Variants in PPP2R2C observed in about 807,000 individuals in gnomAD.
PPP2R2C encodes protein phosphatase 2, regulatory subunit B, gamma.
In PPP2R2C, 10 loss-of-function variants were observed where a neutral mutation model predicts 45.3. The ratio of observed to expected loss-of-function variants is 0.22; its 90% CI spans 0.14 to 0.37. The LOEUF (loss-of-function observed/expected upper bound fraction) is 0.37. PPP2R2C is among the 10% of genes least tolerant of loss of function. PPP2R2C has a pLI of 1.00. For synonymous variants in PPP2R2C, 257 were observed against 245.4 expected (o/e 1.05, Z -0.44); for missense variants, 308 against 619.7 (o/e 0.50, Z 5.34).
intron 1 of PPP2R2C, chr4:6,382,328 A>G (rs1045864995): frequency 7.7e-7 from 1 of 1,294,816 alleles, no homozygotes; most frequent in Admixed American, 2.3e-5. Flanking sequence ...TACCACCTTT[A>G]GCAAAATGGA....
intron 2 of PPP2R2C, among the ~76,000 whole-genome samples, chr4:6,521,893 G>C (rs575891904): frequency 1.3e-5 from 2 of 152,314 alleles, no homozygotes; most frequent in East Asian, 3.9e-4. Flanking sequence ...CAGGCCATCT[G>C]CCTCCAGAGC....
intron 6 of PPP2R2C, among the ~76,000 whole-genome samples, chr4:6,335,465 G>A (rs1310354648): frequency 6.6e-6 from 1 of 152,170 alleles, no homozygotes; most frequent in Non-Finnish European, 1.5e-5. Context: ...GCAGAGAAAG[G>A]AGTGAGCAGG....
intron 1 of PPP2R2C, among the ~76,000 whole-genome samples, chr4:6,431,198 C>A (rs1185997636): frequency 6.6e-6 from 1 of 152,216 alleles, no homozygotes; most frequent in South Asian, 2.1e-4. Flanking sequence ...TGTTTCCCTG[C>A]ACCTGGAGGG....
chr4:6,436,182 T>C (rs917320197), intron 1 of PPP2R2C, among the ~76,000 whole-genome samples: 1 of 152,172 alleles, frequency 6.6e-6, no homozygotes, highest in African/African-American at 2.4e-5. Context: ...CCTCCAGAAC[T>C]GTGAGAGATA....
chr4:6,489,377 C>T (rs908527776), intron 2 of PPP2R2C, among the ~76,000 whole-genome samples: 1 of 152,160 alleles, frequency 6.6e-6, no homozygotes, highest in Non-Finnish European at 1.5e-5. Flanking sequence ...GCCCTGAACC[C>T]TCCCTCCACA....
At chr4:6,457,207 C>CCAAAAAA (rs1721086568) in intron 1 of PPP2R2C, among the ~76,000 whole-genome samples, 1 of 88,804 alleles carries the variant, frequency 1.1e-5, no homozygotes. Flanking sequence ...GACTCCATCT[C>CCAAAAAA]AAAAAAAAAA....
At position 6,378,435 on chromosome 4, in the gene PPP2R2C, G is replaced by A. The variant is rs773951608; in HGVS notation, c.306C>T (p.Asn102=). The A allele has an allele frequency of 2.0e-5, 33 of 1,614,070 alleles. No homozygotes were observed. In the Middle Eastern group the frequency reaches 6.6e-4, roughly 32 times the overall value. ...TGGTGGACAGGAGTGAGTGGGCGGCGTTCTGCTGTGGGAGCCACTTGATCT... is the reference window on the plus strand; with the variant it reads ...TGGTGGACAGGAGTGAGTGGGCGGCATTCTGCTGTGGGAGCCACTTGATCT... ...INKIKWLPQQ[N]AAHSLLSTND... The change falls in exon 3 of 9, where the codon AAC becomes AAT. Residue 102 remains asparagine (N), a synonymous_variant. Transcript: ENST00000382599. This position sits in a 1 kb window ranked among gnomAD's most constrained non-coding sequence, Gnocchi z 5.2.
intron 1 of PPP2R2C, among the ~76,000 whole-genome samples, chr4:6,442,689 G>T (rs925028888): frequency 6.6e-6 from 1 of 152,186 alleles, no homozygotes; most frequent in Non-Finnish European, 1.5e-5. Context: ...ACACCCCTAG[G>T]GTGTGGGGTA....
At chr4:6,477,587 A>G (rs1166873949), upstream of PPP2R2C, among the ~76,000 whole-genome samples, 1 of 152,002 alleles carries the variant, frequency 6.6e-6, no homozygotes, top group Non-Finnish European at 1.5e-5. Flanking sequence ...TTAGCCGGGC[A>G]TGGTGGTGGG....
rs748602611 is a variant in PPP2R2C at position 6,375,885 on chromosome 4, G to A, written c.381C>T (p.Pro127=). The A allele has an allele frequency of 1.8e-5, 29 of 1,614,046 alleles. No homozygotes were observed. The highest frequency in any genetic ancestry group is 1.7e-4 in the Middle Eastern group (1 of 6,052). The part of the protein sequence containing the change: ...LWKITERDKR[P]EGYNLKDEEG... The stretch of plus-strand genomic sequence containing the variant: ...CTTCATCCTTCAGGTTGTATCCTTC[G>A]GGCCTTTTATCTCGTTCGGTAATCT... The change falls in exon 4 of 9, where the codon CCC becomes CCT. Residue 127 remains proline (P), a synonymous_variant. Transcript: ENST00000382599.
At chr4:6,433,007 T>C (rs1278365491) in intron 1 of PPP2R2C, among the ~76,000 whole-genome samples, 2 of 152,228 alleles carry the variant, frequency 1.3e-5, no homozygotes, top group Non-Finnish European at 1.5e-5. Flanking sequence ...CCTTATGATT[T>C]TCTTAATGAT....
intron 1 of PPP2R2C, among the ~76,000 whole-genome samples, chr4:6,470,940 G>C (rs908003430): frequency 6.6e-6 from 1 of 151,506 alleles, no homozygotes; most frequent in Non-Finnish European, 1.5e-5. Flanking sequence ...TCCCGGGCCA[G>C]GGCGCCCCGA....
intron 7 of PPP2R2C, among the ~76,000 whole-genome samples, chr4:6,333,035 G>C (rs1309930435): frequency 7.2e-5 from 11 of 152,180 alleles, no homozygotes; most frequent in Admixed American, 7.2e-4. Flanking sequence ...ATAATAGCAA[G>C]ATAATAAATA....
chr4:6,519,636 A>G (rs1318028939), intron 2 of PPP2R2C, among the ~76,000 whole-genome samples: 2 of 152,168 alleles, frequency 1.3e-5, no homozygotes, highest in Admixed American at 6.5e-5. Flanking sequence ...TTCTGTCCGC[A>G]CCTATTCACA....
At chr4:6,412,755 G>T (rs541618280) in intron 1 of PPP2R2C, among the ~76,000 whole-genome samples, 1 of 152,320 alleles carries the variant, frequency 6.6e-6, no homozygotes, top group Non-Finnish European at 1.5e-5. Flanking sequence ...CCAAGATAAT[G>T]GTGTTAGGAG....
chr4:6,405,501 T>A (rs966821450), intron 1 of PPP2R2C, among the ~76,000 whole-genome samples: 4 of 152,006 alleles, frequency 2.6e-5, no homozygotes, highest in Non-Finnish European at 5.9e-5. Context: ...AGAAGGAGGA[T>A]TCCGAATTTA....
chr4:6,492,441 C>T (rs938156246), intron 2 of PPP2R2C, among the ~76,000 whole-genome samples: 3 of 152,214 alleles, frequency 2.0e-5, no homozygotes, highest in Admixed American at 2.0e-4. Flanking sequence ...CCCCCGAGTG[C>T]TCTGGCGTCT....
At chr4:6,450,497 G>A (rs181981696) in intron 1 of PPP2R2C, among the ~76,000 whole-genome samples, 8 of 152,248 alleles carry the variant, frequency 5.3e-5, no homozygotes, top group South Asian at 2.1e-4. Context: ...AAGATGAGCC[G>A]CATGGTGGGT....
At chr4:6,423,500 G>A (rs753596668) in intron 1 of PPP2R2C, among the ~76,000 whole-genome samples, 16 of 152,284 alleles carry the variant, frequency 1.1e-4, no homozygotes, top group Admixed American at 4.6e-4. Context: ...CACCACACCC[G>A]GCCCCCACTA....
Sources: gnomAD v4.1 joint callset for allele counts (sites outside exome capture counted in the v4.1 genomes callset) on GRCh38, gnomAD v4.1.1 for gene constraint, Gnocchi (gnomAD v3.1) non-coding constraint, MANE v1.5 for transcripts, NCBI Gene and HGNC (gene_info 2026-07-23, HGNC 2026-07-21) for gene names.